Variants in CSMD1 observed in about 807,000 individuals in gnomAD.
The protein encoded by CSMD1 is CUB and sushi domain-containing protein 1.
Under a neutral mutation model 417.5 loss-of-function variants are expected in CSMD1, and 213 were observed. The ratio of observed to expected loss-of-function variants is 0.51; its 90% CI spans 0.46 to 0.57. The LOEUF (loss-of-function observed/expected upper bound fraction) is 0.57. CSMD1 is among the 20% of genes least tolerant of loss of function. The pLI, the probability that CSMD1 is intolerant of heterozygous loss-of-function variation, is 0.00. For missense variants in CSMD1, 6,923 were observed against 4,529.7 expected (o/e 1.53, Z -15.17); for synonymous variants, 2,862 against 1,736.8 (o/e 1.65, Z -16.11).
intron 10 of CSMD1, among the ~76,000 whole-genome samples, chr8:3,556,099 A>T (rs552336132): frequency 6.6e-6 from 1 of 152,130 alleles, no homozygotes; most frequent in Non-Finnish European, 1.5e-5. Context: ...CACTAACTAC[A>T]TAAGACTCCT....
chr8:3,182,493 G>C (rs184673972), intron 36 of CSMD1, among the ~76,000 whole-genome samples: 100 of 152,194 alleles, frequency 6.6e-4, no homozygotes, highest in Non-Finnish European at 1.1e-3. Flanking sequence ...GGGATTACAG[G>C]TGTGAGCCAC....
At chr8:4,795,988 T>G (rs1241292471) in intron 1 of CSMD1, among the ~76,000 whole-genome samples, 2 of 152,166 alleles carry the variant, frequency 1.3e-5, no homozygotes, top group African/African-American at 4.8e-5. Context: ...CTCTGATATG[T>G]CATAAAGCAA....
At chr8:3,734,696 G>C (rs925722467) in intron 6 of CSMD1, among the ~76,000 whole-genome samples, 2 of 152,224 alleles carry the variant, frequency 1.3e-5, no homozygotes, top group Non-Finnish European at 2.9e-5. Context: ...GGGTGACAGA[G>C]TGAGATTTTG....
At chr8:4,428,983 G>A (rs1255741562) in intron 2 of CSMD1, among the ~76,000 whole-genome samples, 1 of 151,932 alleles carries the variant, frequency 6.6e-6, no homozygotes, top group African/African-American at 2.4e-5. Flanking sequence ...CAAAGTGCTG[G>A]GAATATAGGC....
At chr8:4,722,681 T>A (rs562724976) in intron 1 of CSMD1, among the ~76,000 whole-genome samples, 1 of 152,160 alleles carries the variant, frequency 6.6e-6, no homozygotes, top group Non-Finnish European at 1.5e-5. Context: ...AAAAAAAAGT[T>A]TCTAATTTTT....
intron 2 of CSMD1, among the ~76,000 whole-genome samples, chr8:4,532,707 A>G (rs989856568): frequency 7.0e-6 from 1 of 143,710 alleles, no homozygotes; most frequent in African/African-American, 2.6e-5. Context: ...TTTGAAAAGA[A>G]ATCCTGCACC....
intron 5 of CSMD1, among the ~76,000 whole-genome samples, chr8:3,942,845 A>G (rs1335892759): frequency 6.6e-6 from 1 of 152,198 alleles, no homozygotes; most frequent in Non-Finnish European, 1.5e-5. Flanking sequence ...GAGCTATAGT[A>G]TCGTCCCACA....
intron 30 of CSMD1, 76 bp from the exon 31 acceptor site, chr8:3,205,696 C>T (rs1340595015): frequency 3.2e-6 from 2 of 618,296 alleles, no homozygotes; most frequent in South Asian, 4.2e-5. Context: ...AGCTGAAACA[C>T]ATCAAACACG....
At chr8:4,302,403 T>C (rs1798026904) in intron 3 of CSMD1, among the ~76,000 whole-genome samples, 1 of 152,212 alleles carries the variant, frequency 6.6e-6, no homozygotes, top group South Asian at 2.1e-4. Context: ...TGAAAACCTT[T>C]ATATATGTGA....
intron 26 of CSMD1, among the ~76,000 whole-genome samples, chr8:3,271,699 C>T (rs1437497204): frequency 6.6e-6 from 1 of 152,158 alleles, no homozygotes; most frequent in Non-Finnish European, 1.5e-5. Flanking sequence ...AGCATTTTTT[C>T]ATGTGTTTTT....
chr8:4,787,281 A>T, intron 1 of CSMD1: 1 of 640,600 alleles, frequency 1.6e-6, no homozygotes, highest in African/African-American at 1.8e-5. Flanking sequence ...TCTTTTCTAG[A>T]GCTCTGCCTC....
intron 1 of CSMD1, among the ~76,000 whole-genome samples, chr8:4,714,557 T>C (rs1297371466): frequency 6.6e-6 from 1 of 152,168 alleles, no homozygotes; most frequent in Non-Finnish European, 1.5e-5. Context: ...CAAAGAGAAG[T>C]CGGAACTTTC....
intron 8 of CSMD1, among the ~76,000 whole-genome samples, chr8:3,599,027 G>A (rs1021222991): frequency 2.0e-5 from 3 of 152,126 alleles, no homozygotes; most frequent in Admixed American, 6.6e-5. Flanking sequence ...GTTGCAGTGA[G>A]CAGAGCTTGC....
intron 1 of CSMD1, among the ~76,000 whole-genome samples, chr8:4,641,904 G>A (rs948091001): frequency 6.6e-6 from 1 of 152,196 alleles, no homozygotes; most frequent in African/African-American, 2.4e-5. Flanking sequence ...ATCACTCATA[G>A]TCTTATTACC....
rs958710878 is a variant in CSMD1 at position 4,143,669 on chromosome 8, C to A, written c.416-111570G>T. 3.3e-5 allele frequency among the ~76,000 whole-genome samples: 5 copies of A among 150,900 alleles called. 1 individual carries two copies. The highest frequency in any genetic ancestry group is 1.2e-4 in the African/African-American group (5 of 40,274). ...GCATTGACTGTGAGTTCTCCAGGTTCTTGGCATTTAGAATAATTGGATAAG... is the reference window on the plus strand; with the variant it reads ...GCATTGACTGTGAGTTCTCCAGGTTATTGGCATTTAGAATAATTGGATAAG... On this transcript the variant is annotated intron_variant, in intron 3 of 69. Transcript: ENST00000635120.
intron 3 of CSMD1, among the ~76,000 whole-genome samples, chr8:4,049,997 T>A (rs1039532057): frequency 7.9e-5 from 12 of 152,212 alleles, no homozygotes; most frequent in African/African-American, 2.7e-4. Context: ...CCTCCCTTGT[T>A]TTAAGGGCCT....
At position 2,938,427 on chromosome 8, in the gene CSMD1, T is replaced by C. The variant is rs537872083; in HGVS notation, c.*158A>G. ...TGATCCGTAGAAGACCCTGACACAT[T>C]TGAGTAGAGATCCCCGCTGCACTTA... On this transcript the variant is annotated 3_prime_UTR_variant, in exon 70 of 70. Transcript: ENST00000635120. 3 of 675,000 alleles carry C rather than the reference T, an allele frequency of 4.4e-6. No individual in the cohort carries two copies. The highest frequency in any genetic ancestry group is 4.4e-5 in the South Asian group (2 of 45,280). The allele number at this position is 675,000 out of a possible 1,614,324, so 41.8% of individuals were successfully genotyped here.
chr8:3,648,326 T>A (rs1014005333), intron 7 of CSMD1, among the ~76,000 whole-genome samples: 17 of 152,224 alleles, frequency 1.1e-4, no homozygotes, highest in African/African-American at 4.1e-4. Context: ...AAATAATAGT[T>A]GTTGCTATAT....
At chr8:3,588,111 T>C (rs1416981113) in intron 8 of CSMD1, among the ~76,000 whole-genome samples, 3 of 152,160 alleles carry the variant, frequency 2.0e-5, no homozygotes, top group African/African-American at 2.4e-5. Flanking sequence ...CTTTGTGTTT[T>C]CTATTCCAGG....
Sources: allele counts gnomAD v4.1 joint callset (sites outside exome capture counted in the v4.1 genomes callset), GRCh38; gene constraint gnomAD v4.1.1; transcripts MANE v1.5; gene names NCBI Gene and HGNC (gene_info 2026-07-23, HGNC 2026-07-21).